Variants in VPS41 observed in about 807,000 individuals in gnomAD.
VPS41 encodes the protein VPS41 subunit of HOPS complex, also known as vacuolar protein sorting-associated protein 41 homolog.
In VPS41, 85 loss-of-function variants were observed where a neutral mutation model predicts 130.9. That is an observed-to-expected ratio of 0.65 (90% CI 0.55 to 0.78). The LOEUF (loss-of-function observed/expected upper bound fraction) is 0.78. Ranked by LOEUF, VPS41 falls within the 30% of genes least tolerant of loss-of-function variation. The pLI, the probability that VPS41 is intolerant of heterozygous loss-of-function variation, is 0.00. For synonymous variants in VPS41, 335 were observed against 332.9 expected (o/e 1.01, Z -0.07); for missense variants, 874 against 1,018.7 (o/e 0.86, Z 1.93).
intron 2 of VPS41, among the ~76,000 whole-genome samples, chr7:38,889,487 C>T (rs1235708334): frequency 1.3e-5 from 2 of 149,766 alleles, no homozygotes; most frequent in Non-Finnish European, 1.5e-5. Flanking sequence ...CACAATATAT[C>T]TTATGTCCTC....
At chr7:38,769,261 T>C (rs1784110529) in intron 14 of VPS41, among the ~76,000 whole-genome samples, 1 of 152,200 alleles carries the variant, frequency 6.6e-6, no homozygotes, top group Non-Finnish European at 1.5e-5. Context: ...CATCATCCCT[T>C]GAATGACAGC....
At chr7:38,762,984 G>A (rs866487051) in intron 17 of VPS41, among the ~76,000 whole-genome samples, 3 of 152,080 alleles carry the variant, frequency 2.0e-5, no homozygotes, top group Non-Finnish European at 4.4e-5. Context: ...TCAATCATGT[G>A]CAATAACTGT....
chr7:38,774,242 T>C lies in VPS41; in HGVS notation c.885A>G (p.Glu295=). The change falls in exon 12 of 29, where the codon GAA becomes GAG. Residue 295 remains glutamate (E), a splice_region_variant and synonymous_variant. Coordinates refer to ENST00000310301, the MANE Select transcript of VPS41 (RefSeq NM_014396.4). ...GTCTAGGCCTGGCACAGTATTCTCT[T>C]TCCTAGTGGGGGAAAAGAGAGAAAC... ...SYVKEISEKT[E]REYCARPRLD... is the part of the protein sequence containing the mutation. 6.4e-7 allele frequency: 1 copy of C among 1,571,696 alleles called. No homozygotes were observed. Among genetic ancestry groups the C allele is most frequent in the Non-Finnish European group, 8.6e-7 (1 of 1,157,332 alleles).
chr7:38,800,290 A>G (rs1226422400), intron 7 of VPS41, among the ~76,000 whole-genome samples: 3 of 152,250 alleles, frequency 2.0e-5, no homozygotes, highest in Admixed American at 6.5e-5. Flanking sequence ...TATTCAATAC[A>G]ATGTCCTTAA....
chr7:38,767,768 C>A (rs1399591101), intron 14 of VPS41, among the ~76,000 whole-genome samples, 170 bp from the exon 15 acceptor site: 2 of 152,048 alleles, frequency 1.3e-5, no homozygotes, highest in African/African-American at 4.8e-5. Flanking sequence ...TAAGCATATT[C>A]ATATTTAAAT....
At chr7:38,800,155 T>C (rs1784697550) in intron 7 of VPS41, among the ~76,000 whole-genome samples, 1 of 152,188 alleles carries the variant, frequency 6.6e-6, no homozygotes, top group Admixed American at 6.5e-5. Flanking sequence ...AACTGAGGAA[T>C]GACGGAGCAT....
chr7:38,764,271 G>T (rs1471965187), intron 16 of VPS41, among the ~76,000 whole-genome samples: 1 of 152,204 alleles, frequency 6.6e-6, no homozygotes, highest in Non-Finnish European at 1.5e-5. Flanking sequence ...AAATAAGAGA[G>T]GGGCAGGACA....
intron 4 of VPS41, among the ~76,000 whole-genome samples, chr7:38,848,749 GCCTGCGTGCAGTGCT>G (rs1785781533): frequency 6.6e-6 from 1 of 152,088 alleles, no homozygotes; most frequent in Non-Finnish European, 1.5e-5. Context: ...CCCAAGCCTG[GCCTGCGTGCAGTGCT>G]GCCACCTCCA....
intron 9 of VPS41, among the ~76,000 whole-genome samples, chr7:38,791,376 T>A (rs1387568928): frequency 1.3e-5 from 2 of 152,158 alleles, no homozygotes; most frequent in African/African-American, 2.4e-5. Flanking sequence ...AAAAAGCAAA[T>A]GTATCGGCAA....
Position 38,754,932 on chromosome 7 carries a change from G to C in VPS41, c.1700C>G (p.Ala567Gly), listed in dbSNP as rs535830760. ...VLLMDFDSEK[A>G]VDMLLDNEDK... The stretch of plus-strand genomic sequence containing the variant: ...TTCATTGTCCAAAAGCATGTCAACA[G>C]CTTTCTGAAACATATAAGAAAAGCC... The change falls in exon 20 of 29, where the codon GCT becomes GGT. Residue 567 changes from alanine to glycine, a missense_variant. By Grantham distance (60) the Ala-to-Gly change is moderately conservative. Coordinates refer to ENST00000310301, the MANE Select transcript of VPS41 (RefSeq NM_014396.4). 1 of 1,613,374 alleles carries C rather than the reference G, an allele frequency of 6.2e-7. No individual in the cohort carries two copies. The highest frequency in any genetic ancestry group is 1.3e-5 in the African/African-American group (1 of 74,990).
chr7:38,778,379 G>A (rs1448345595), intron 10 of VPS41, among the ~76,000 whole-genome samples: 2 of 152,226 alleles, frequency 1.3e-5, no homozygotes, highest in African/African-American at 2.4e-5. Context: ...GAAGGTTCTA[G>A]AGAAGCTCAC....
intron 2 of VPS41, among the ~76,000 whole-genome samples, chr7:38,894,866 T>C (rs1786947615): frequency 6.6e-6 from 1 of 152,152 alleles, no homozygotes; most frequent in South Asian, 2.1e-4. Flanking sequence ...TCATCAGCTG[T>C]AGGACATTAG....
At chr7:38,870,739 C>CAAAAAAAAAAAAAAAAAAAAAAAAAAG (rs70977434) in intron 2 of VPS41, among the ~76,000 whole-genome samples, 1 of 29,734 alleles carries the variant, frequency 3.4e-5, no homozygotes, top group Non-Finnish European at 6.9e-5. Flanking sequence ...ACTATATGTT[C>CAAAAAAAAAAAAAAAAAAAAAAAAAAG]AAAAAAAAAA....
chr7:38,780,127 G>C (rs1295218560), intron 10 of VPS41, among the ~76,000 whole-genome samples: 1 of 149,462 alleles, frequency 6.7e-6, no homozygotes, highest in Non-Finnish European at 1.5e-5. Context: ...TTCTGCTAGA[G>C]AGGAAATACA....
chr7:38,831,648 T>C (rs140081508), intron 4 of VPS41, among the ~76,000 whole-genome samples: 230 of 152,376 alleles, frequency 1.5e-3, no homozygotes, highest in Middle Eastern at 3.4e-3. Flanking sequence ...CCTATCCTAA[T>C]ATTCTGTAAA....
chr7:38,790,408 T>A (rs1784514303), intron 9 of VPS41, among the ~76,000 whole-genome samples: 1 of 152,200 alleles, frequency 6.6e-6, no homozygotes, highest in Non-Finnish European at 1.5e-5. Flanking sequence ...GTAAAGTTGT[T>A]ATAATACAGT....
intron 1 of VPS41, among the ~76,000 whole-genome samples, chr7:38,902,386 C>T (rs1274301137): frequency 6.6e-6 from 1 of 152,192 alleles, no homozygotes; most frequent in Non-Finnish European, 1.5e-5. Context: ...CGAGATATTG[C>T]TTATATCTCT....
chr7:38,852,107 G>A (rs893244031), intron 4 of VPS41, among the ~76,000 whole-genome samples: 21 of 152,250 alleles, frequency 1.4e-4, no homozygotes, highest in African/African-American at 4.8e-4. Flanking sequence ...AGTTGCCATG[G>A]ACCCTCAGCT....
intron 9 of VPS41, among the ~76,000 whole-genome samples, chr7:38,793,203 C>T (rs1784564494): frequency 6.6e-6 from 1 of 152,210 alleles, no homozygotes; most frequent in South Asian, 2.1e-4. Flanking sequence ...AGGGAAGGAA[C>T]TCATTCATTT....
Sources: gnomAD v4.1 joint callset for allele counts (sites outside exome capture counted in the v4.1 genomes callset) on GRCh38, gnomAD v4.1.1 for gene constraint, MANE v1.5 for transcripts, NCBI Gene and HGNC (gene_info 2026-07-23, HGNC 2026-07-21) for gene names.